Variants in WASHC5 observed in about 807,000 individuals in gnomAD.
WASHC5 encodes WASH complex subunit strumpellin.
WASHC5 carries 101 observed loss-of-function variants against 150.4 expected under a neutral mutation model. The observed-to-expected ratio is 0.67, with a 90% CI of 0.57 to 0.79. The LOEUF (loss-of-function observed/expected upper bound fraction) is 0.79. Among genes scored for constraint, WASHC5 ranks in the 30% least tolerant of loss-of-function variants. The probability of loss-of-function intolerance (pLI) is 0.00; values close to 1 mark genes in which losing one functional copy is unlikely to be tolerated. For synonymous variants in WASHC5, 467 were observed against 491.2 expected, an observed-to-expected ratio of 0.95 and a Z score of 0.65; for missense variants, 1,195 against 1,396.3, an observed-to-expected ratio of 0.86 and a Z score of 2.30.
chr8:125,034,896 T>C (rs1461706691), intron 26 of WASHC5, among the ~76,000 whole-genome samples: 1 of 152,198 alleles, frequency 6.6e-6, no homozygotes, highest in Non-Finnish European at 1.5e-5. Flanking sequence ...GCTTCTTTCT[T>C]CAAACACAGA....
chr8:125,072,829 C>T (rs6651230), intron 9 of WASHC5, among the ~76,000 whole-genome samples: 45,753 of 151,950 alleles, frequency 0.3, 7,812 homozygotes, highest in South Asian at 0.44. Context: ...CTGGAAGGCA[C>T]TATTCTGCCT....
chr8:125,030,495 G>A (rs77115835), intron 27 of WASHC5, among the ~76,000 whole-genome samples: 1,945 of 152,066 alleles, frequency 0.013, 34 homozygotes, highest in African/African-American at 0.045. Context: ...GCAGCTCACG[G>A]GAAATAACGA....
At chr8:125,029,009 A>T (rs978900841) in intron 27 of WASHC5, among the ~76,000 whole-genome samples, 3 of 147,986 alleles carry the variant, frequency 2.0e-5, no homozygotes, top group African/African-American at 7.5e-5. Context: ...AGCAGGTCCC[A>T]TACTTTCCCA....
chr8:125,028,668 G>T lies in WASHC5; in HGVS notation c.3375C>A (p.Ala1125=). The T allele has an allele frequency of 6.2e-7, 1 of 1,613,838 alleles. No homozygotes were observed. The highest frequency in any genetic ancestry group is 1.7e-4 in the Middle Eastern group (1 of 6,060). The change falls in exon 28 of 29, where the codon GCC becomes GCA. Residue 1125 remains alanine, a synonymous_variant. Coordinates refer to ENST00000318410, the MANE Select transcript of WASHC5 (RefSeq NM_014846.4). ...GAACATAATCCTCCAGGAACAGAAGGGCACCCACAACATCTGCAGGAATTT... is the reference window on the plus strand; with the variant it reads ...GAACATAATCCTCCAGGAACAGAAGTGCACCCACAACATCTGCAGGAATTT... ...IPEIPADVVG[A]LLFLEDYVRY...
At chr8:125,056,589 C>G in intron 16 of WASHC5, 88 bp downstream of exon 16, 1 of 1,507,848 alleles carries the variant, frequency 6.6e-7, no homozygotes, top group Non-Finnish European at 9.2e-7. Context: ...CTGGTGGTCC[C>G]CAGAATATGG....
intron 11 of WASHC5, among the ~76,000 whole-genome samples, 199 bp from the exon 12 acceptor site, chr8:125,061,393 T>C (rs1816590285): frequency 6.6e-6 from 1 of 152,210 alleles, no homozygotes; most frequent in Non-Finnish European, 1.5e-5. Context: ...TAGCTTAGTC[T>C]ACAGCACTTG....
intron 3 of WASHC5, chr8:125,082,867 G>A: frequency 2.5e-6 from 1 of 407,004 alleles, no homozygotes; most frequent in South Asian, 3.8e-5. Context: ...ATAAATAACA[G>A]GATTGGAAAC....
rs886062658 is a variant in WASHC5, at chr8:125,091,709, C to G, written c.-219G>C. 3 of 152,436 alleles carry G rather than the reference C, an allele frequency of 2.0e-5. No individual in the cohort carries two copies. The East Asian group carries it at 5.8e-4, about 29-fold the overall frequency. The allele number at this position is 152,436 out of a possible 1,614,324, so 9.4% of individuals were successfully genotyped here. A position where few individuals can be genotyped will look rare whatever the true frequency, so the allele number is the denominator to read the frequency against. On this transcript the variant is annotated 5_prime_UTR_variant, in exon 1 of 29. Coordinates refer to ENST00000318410, the MANE Select transcript of WASHC5 (RefSeq NM_014846.4). ...CCACCCCTCCCTCAAGGCGGCGGTC[C>G]TCTTCTATCCGCAGTCCCGGACCTG... is the stretch of plus-strand genomic sequence containing the variant.
intron 11 of WASHC5, among the ~76,000 whole-genome samples, chr8:125,063,234 C>T (rs968923704): frequency 2.6e-5 from 4 of 152,126 alleles, no homozygotes; most frequent in Non-Finnish European, 5.9e-5. Context: ...TCTCTAAACT[C>T]TTGTCTATGA....
intron 10 of WASHC5, among the ~76,000 whole-genome samples, chr8:125,067,008 T>C (rs1391942062): frequency 1.3e-5 from 2 of 152,194 alleles, no homozygotes; most frequent in Non-Finnish European, 2.9e-5. Context: ...TATTTACATT[T>C]TTATTAGTGT....
rs1289289336 is a variant in WASHC5 at position 125,085,472 on chromosome 8, C to T, written c.-124-1450G>A. 2.0e-5 allele frequency among the ~76,000 whole-genome samples: 3 copies of T among 151,826 alleles called. No homozygotes were observed. In the East Asian group the frequency reaches 5.8e-4, roughly 29 times the overall value. On this transcript the variant is annotated intron_variant, in intron 1 of 28. Coordinates refer to ENST00000318410, the MANE Select transcript of WASHC5 (RefSeq NM_014846.4). ...CATGCAAAGGGATCTCACAAGCTGT[C>T]AAAGAGAGAACAGAGAGAGAAGCGG... is the stretch of plus-strand genomic sequence containing the variant.
chr8:125,077,888 T>C (rs2130186606), intron 6 of WASHC5, among the ~76,000 whole-genome samples: 1 of 152,186 alleles, frequency 6.6e-6, no homozygotes, highest in Admixed American at 6.5e-5. Flanking sequence ...GCTTCTGATT[T>C]TGAATTGTCT....
chr8:125,039,073 T>G, intron 24 of WASHC5, 114 bp from the exon 25 acceptor site: 1 of 1,185,572 alleles, frequency 8.4e-7, no homozygotes, highest in South Asian at 1.2e-5. Context: ...ATCTGTAAAA[T>G]GAGAGCTTGA....
chr8:125,041,715 C>CA (rs1815895071), intron 23 of WASHC5, among the ~76,000 whole-genome samples: 1 of 151,914 alleles, frequency 6.6e-6, no homozygotes, highest in Non-Finnish European at 1.5e-5. Context: ...TTGTAATGGT[C>CA]AAAAGTATTA....
Position 125,038,944 on chromosome 8 carries a change from G to T in WASHC5, c.2970C>A (p.Asp990Glu). 6.2e-7 allele frequency: 1 copy of T among 1,613,860 alleles called. No homozygotes were observed. Among genetic ancestry groups the T allele is most frequent in the Non-Finnish European group, 8.5e-7 (1 of 1,179,748 alleles). The change falls in exon 25 of 29, where the codon GAC becomes GAA. Residue 990 changes from aspartate to glutamate, a missense_variant. Asp to Glu is a conservative substitution (Grantham distance 45). Coordinates refer to ENST00000318410, the MANE Select transcript of WASHC5 (RefSeq NM_014846.4). ...LENLNKALLADIEAHYQDPSL... is the reference protein window; with the variant it reads ...LENLNKALLAEIEAHYQDPSL... ...AAGGGTCCTGATAGTGGGCTTCAATGTCTGCTAGGAGAGCCCTAAAGGAAG... is the reference window on the plus strand; with the variant it reads ...AAGGGTCCTGATAGTGGGCTTCAATTTCTGCTAGGAGAGCCCTAAAGGAAG...
chr8:125,082,868 G>A (rs1401690018), intron 3 of WASHC5: 2 of 408,434 alleles, frequency 4.9e-6, no homozygotes, highest in Admixed American at 4.2e-5. Flanking sequence ...TAAATAACAG[G>A]ATTGGAAACT....
At chr8:125,030,604 C>T (rs1024076872) in intron 27 of WASHC5, among the ~76,000 whole-genome samples, 2 of 145,078 alleles carry the variant, frequency 1.4e-5, no homozygotes, top group African/African-American at 5.1e-5. Flanking sequence ...CGCCACTGCA[C>T]TCCAACCTGG....
At chr8:125,031,697 CTT>C (rs897653189) in intron 27 of WASHC5, among the ~76,000 whole-genome samples, 10 of 152,242 alleles carry the variant, frequency 6.6e-5, no homozygotes, top group Middle Eastern at 3.4e-3. Flanking sequence ...ATGGAAATAA[CTT>C]TTTTTTCTTT....
At position 125,047,081 on chromosome 8, in the gene WASHC5, G is replaced by T. The variant is rs1816089817; in HGVS notation, c.2504+126C>A. ...AGGGGTTAGGGACCCTTGCCCTAAA[G>T]GGTCAGAATATGAGTTGACAAGTGC... On this transcript the variant is annotated intron_variant, in intron 20 of 28. Coordinates refer to ENST00000318410, the MANE Select transcript of WASHC5 (RefSeq NM_014846.4). The T allele has an allele frequency of 3.2e-5, 38 of 1,180,494 alleles. No homozygotes were observed. The South Asian group carries it at 4.7e-4, about 15-fold the overall frequency. 73.1% of individuals were successfully genotyped at this position (1,180,494 alleles called of 1,614,324 possible). A position where few individuals can be genotyped will look rare whatever the true frequency, so the allele number is the denominator to read the frequency against.
Sources: gnomAD v4.1 joint callset for allele counts (sites outside exome capture counted in the v4.1 genomes callset) on GRCh38, gnomAD v4.1.1 for gene constraint, MANE v1.5 for transcripts, NCBI Gene and HGNC (gene_info 2026-07-23, HGNC 2026-07-21) for gene names.